The following BICC1 variants were observed in gnomAD, a reference collection of about 807,000 sequenced individuals.
The protein encoded by BICC1 is BicC family RNA binding protein 1.
Under a neutral mutation model 111.0 loss-of-function variants are expected in BICC1, and 43 were observed. That is an observed-to-expected ratio of 0.39 (90% CI 0.30 to 0.50). The LOEUF (loss-of-function observed/expected upper bound fraction) is 0.50. BICC1 is among the 20% of genes least tolerant of loss of function. The pLI is 0.88. For synonymous variants in BICC1, 467 were observed against 434.4 expected, an observed-to-expected ratio of 1.07 and a Z score of -0.93; for missense variants, 1,091 against 1,203.2, an observed-to-expected ratio of 0.91 and a Z score of 1.38.
At chr10:58,544,925 T>C (rs544998949) in intron 1 of BICC1, among the ~76,000 whole-genome samples, 2 of 152,196 alleles carry the variant, frequency 1.3e-5, no homozygotes, top group African/African-American at 4.8e-5. Context: ...GAACTTTGGA[T>C]ACAGAGATAT....
chr10:58,760,686 A>G (rs1362160153), intron 3 of BICC1, among the ~76,000 whole-genome samples: 1 of 152,168 alleles, frequency 6.6e-6, no homozygotes, highest in Non-Finnish European at 1.5e-5. Flanking sequence ...TTAATGGAGA[A>G]CTAGGAAGAT....
At chr10:58,586,720 T>A (rs1362512112) in intron 1 of BICC1, among the ~76,000 whole-genome samples, 2 of 151,930 alleles carry the variant, frequency 1.3e-5, no homozygotes, top group Non-Finnish European at 2.9e-5. Context: ...ACAGACTACA[T>A]ACATATACAT....
Position 58,621,487 on chromosome 10 carries a change from T to C in BICC1, c.237+586T>C, listed in dbSNP as rs575925777. Among the ~76,000 whole-genome samples, 7 of 149,374 alleles carry C rather than the reference T, an allele frequency of 4.7e-5. No individual in the cohort carries two copies. In the South Asian group the frequency reaches 6.5e-4, roughly 14 times the overall value. On this transcript the variant is annotated intron_variant, in intron 2 of 20. Coordinates refer to ENST00000373886, the MANE Select transcript of BICC1 (RefSeq NM_001080512.3). ...CATTTCTAAGTGCCCTGGCCTTAGC[T>C]GGGGCAGGCTTAGCAACAAGGGTAA...
chr10:58,682,129 G>T (rs10763574), intron 2 of BICC1, among the ~76,000 whole-genome samples: 2 of 151,466 alleles, frequency 1.3e-5, no homozygotes, highest in African/African-American at 4.9e-5. Flanking sequence ...TTGGTTTTCT[G>T]TCCTGGCGAT....
chr10:58,675,696 G>A (rs183260745), intron 2 of BICC1, among the ~76,000 whole-genome samples: 3 of 152,342 alleles, frequency 2.0e-5, no homozygotes, highest in East Asian at 1.9e-4. Flanking sequence ...CATGAGTGGC[G>A]ATGGATGTGT....
At chr10:58,536,178 A>C (rs1450878645) in intron 1 of BICC1, among the ~76,000 whole-genome samples, 4 of 151,670 alleles carry the variant, frequency 2.6e-5, no homozygotes, top group African/African-American at 7.2e-5. Context: ...CTGAGGCAGA[A>C]AGTCAACAAA....
intron 2 of BICC1, among the ~76,000 whole-genome samples, chr10:58,629,136 A>G (rs1486192416): frequency 2.0e-5 from 3 of 152,214 alleles, no homozygotes; most frequent in Non-Finnish European, 4.4e-5. Flanking sequence ...ACAGGGTGAC[A>G]GTCTAAGATG....
At chr10:58,595,176 A>G (rs1564503541) in intron 1 of BICC1, among the ~76,000 whole-genome samples, 1 of 152,226 alleles carries the variant, frequency 6.6e-6, no homozygotes, top group Non-Finnish European at 1.5e-5. Context: ...TATCCTAAAT[A>G]TATGTGCATC....
intron 3 of BICC1, among the ~76,000 whole-genome samples, chr10:58,704,464 A>G (rs533637038): frequency 1.6e-4 from 25 of 152,246 alleles, no homozygotes; most frequent in African/African-American, 6.0e-4. Context: ...TACCTATATT[A>G]TTTTTTAAAT....
At chr10:58,728,734 A>G (rs1205358222) in intron 3 of BICC1, among the ~76,000 whole-genome samples, 2 of 152,066 alleles carry the variant, frequency 1.3e-5, no homozygotes, top group African/African-American at 2.4e-5. Context: ...CTTGAAAGTC[A>G]TAATTACTCC....
At chr10:58,680,836 T>G (rs1243653615) in intron 2 of BICC1, among the ~76,000 whole-genome samples, 2 of 152,080 alleles carry the variant, frequency 1.3e-5, no homozygotes, top group East Asian at 3.9e-4. Flanking sequence ...TATAGACCAA[T>G]GGAACAGAAC....
In BICC1 at chr10:58,684,147, C is replaced by G. The variant is rs184401856; in HGVS notation, c.238-17927C>G. Among the ~76,000 whole-genome samples the G allele has an allele frequency of 3.7e-3, 567 of 151,664 alleles. 2 individuals are homozygous for G. Among genetic ancestry groups the G allele is most frequent in the Non-Finnish European group, 6.8e-3 (459 of 67,574 alleles). Reference sequence around the variant, plus strand: ...GTTGAGATAATCGTATGGTTTTTCTCTTTGGTTTTGTTTATATGATGGATT... The same window carrying G: ...GTTGAGATAATCGTATGGTTTTTCTGTTTGGTTTTGTTTATATGATGGATT... On this transcript the variant is annotated intron_variant, in intron 2 of 20. Coordinates refer to ENST00000373886, the MANE Select transcript of BICC1 (RefSeq NM_001080512.3).
At chr10:58,684,563 A>G (rs1014987085) in intron 2 of BICC1, among the ~76,000 whole-genome samples, 4 of 152,032 alleles carry the variant, frequency 2.6e-5, no homozygotes, top group African/African-American at 4.8e-5. Flanking sequence ...GCCTGTTATT[A>G]GTCTATTCAG....
intron 2 of BICC1, among the ~76,000 whole-genome samples, chr10:58,622,559 C>T (rs1387756846): frequency 3.3e-5 from 5 of 152,198 alleles, no homozygotes; most frequent in African/African-American, 1.2e-4. Context: ...TTAATGAGGT[C>T]TCTGAATAAC....
At chr10:58,679,409 T>G (rs1324971964) in intron 2 of BICC1, among the ~76,000 whole-genome samples, 1 of 152,224 alleles carries the variant, frequency 6.6e-6, no homozygotes, top group Non-Finnish European at 1.5e-5. Flanking sequence ...TATAAGCACC[T>G]GTATGCAAAT....
intron 14 of BICC1, 21 bp from the exon 15 acceptor site, chr10:58,803,056 T>A: frequency 6.4e-7 from 1 of 1,564,224 alleles, no homozygotes; most frequent in Non-Finnish European, 8.7e-7. Context: ...GAGTGTTAAA[T>A]TCCACACTCT....
At chr10:58,587,994 T>C (rs1189513615) in intron 1 of BICC1, among the ~76,000 whole-genome samples, 1 of 152,210 alleles carries the variant, frequency 6.6e-6, no homozygotes, top group Non-Finnish European at 1.5e-5. Flanking sequence ...ATTTAGATTG[T>C]TGAAGAAGAT....
chr10:58,587,630 G>A (rs1844472363), intron 1 of BICC1, among the ~76,000 whole-genome samples: 1 of 152,136 alleles, frequency 6.6e-6, no homozygotes, highest in Non-Finnish European at 1.5e-5. Context: ...CTGGCTTGGG[G>A]GTTTTGAACT....
At chr10:58,792,848 C>G (rs1365282932) in intron 8 of BICC1, among the ~76,000 whole-genome samples, 4 of 152,174 alleles carry the variant, frequency 2.6e-5, no homozygotes, top group Non-Finnish European at 5.9e-5. Flanking sequence ...CATCCCCCTT[C>G]CCTCCCCCTC....
Sources: allele counts gnomAD v4.1 joint callset (sites outside exome capture counted in the v4.1 genomes callset), GRCh38; gene constraint gnomAD v4.1.1; transcripts MANE v1.5; gene names NCBI Gene and HGNC (gene_info 2026-07-23, HGNC 2026-07-21).